UNC79: variants seen among roughly 807,000 people sequenced by gnomAD.
The protein encoded by UNC79 is protein unc-79 homolog.
In UNC79, 37 loss-of-function variants were observed where a neutral mutation model predicts 283.1. That is an observed-to-expected ratio of 0.13 (90% CI 0.10 to 0.17). UNC79 has a LOEUF of 0.17. Among genes scored for constraint, UNC79 ranks in the 10% least tolerant of loss-of-function variants. The pLI is 1.00. For synonymous variants in UNC79, 1,107 were observed against 1,200.2 expected (o/e 0.92, Z 1.61); for missense variants, 2,272 against 3,211.1 (o/e 0.71, Z 7.07).
intron 1 of UNC79, among the ~76,000 whole-genome samples, chr14:93,335,434 G>A (rs1224686960): frequency 1.3e-5 from 2 of 152,226 alleles, no homozygotes; most frequent in Non-Finnish European, 2.9e-5. Flanking sequence ...ATGGATCTTT[G>A]TACTTAAGGA....
At chr14:93,358,611 T>C (rs2054158274) in intron 1 of UNC79, among the ~76,000 whole-genome samples, 1 of 152,184 alleles carries the variant, frequency 6.6e-6, no homozygotes, top group Non-Finnish European at 1.5e-5. Context: ...AATGGGGACA[T>C]GTGGGAGGAC....
At chr14:93,499,857 T>C (rs2059197182) in intron 7 of UNC79, among the ~76,000 whole-genome samples, 1 of 151,960 alleles carries the variant, frequency 6.6e-6, no homozygotes, top group Non-Finnish European at 1.5e-5. Context: ...ATATACACAC[T>C]AGATGTCAGA....
intron 7 of UNC79, among the ~76,000 whole-genome samples, chr14:93,517,714 T>C (rs546611503): frequency 1.4e-4 from 21 of 152,118 alleles, no homozygotes; most frequent in Non-Finnish European, 2.6e-4. Context: ...TGCTTCATAC[T>C]GAATCTTTTT....
At chr14:93,424,087 C>G (rs1248415862) in intron 1 of UNC79, among the ~76,000 whole-genome samples, 2 of 152,290 alleles carry the variant, frequency 1.3e-5, no homozygotes, top group East Asian at 1.9e-4. Flanking sequence ...AAATGTCATA[C>G]AAATGGCAAA....
chr14:93,368,619 T>C (rs1430020377), intron 1 of UNC79, among the ~76,000 whole-genome samples: 1 of 152,052 alleles, frequency 6.6e-6, no homozygotes, highest in Non-Finnish European at 1.5e-5. Flanking sequence ...TACAGGTGCA[T>C]GCCACCACAC....
At chr14:93,516,455 G>C (rs1245392916) in intron 7 of UNC79, among the ~76,000 whole-genome samples, 7 of 121,014 alleles carry the variant, frequency 5.8e-5, no homozygotes, top group African/African-American at 2.1e-4. Flanking sequence ...TTTTTTGGGG[G>C]GGGGGGTGGG....
At chr14:93,562,765 C>A (rs1266248124) in intron 14 of UNC79, among the ~76,000 whole-genome samples, 2 of 152,156 alleles carry the variant, frequency 1.3e-5, no homozygotes, top group African/African-American at 4.8e-5. Context: ...CTGCGGTGGC[C>A]TTCTCAGACC....
chr14:93,596,993 G>A (rs1193182491), intron 23 of UNC79, among the ~76,000 whole-genome samples: 1 of 152,180 alleles, frequency 6.6e-6, no homozygotes, highest in Non-Finnish European at 1.5e-5. Flanking sequence ...TATCTGCAGA[G>A]CTTCTATGGA....
chr14:93,509,150 C>A (rs1282345312), intron 7 of UNC79, among the ~76,000 whole-genome samples: 1 of 152,100 alleles, frequency 6.6e-6, no homozygotes, highest in Non-Finnish European at 1.5e-5. Context: ...ACAACCAATT[C>A]TCTGAGCACT....
intron 31 of UNC79, among the ~76,000 whole-genome samples, chr14:93,633,274 A>C (rs72692924): frequency 0.13 from 19,760 of 152,264 alleles, 1,699 homozygotes; most frequent in Admixed American, 0.21. Flanking sequence ...ACTTTAAGAC[A>C]CAAGAATTCC....
intron 1 of UNC79, chr14:93,347,185 T>A: frequency 6.8e-7 from 1 of 1,464,406 alleles, no homozygotes; most frequent in Non-Finnish European, 9.1e-7. Context: ...GCAAACCAGC[T>A]GCCTCACGAG....
At position 93,600,026 on chromosome 14, in the gene UNC79, T is replaced by C. The variant is rs371489303; in HGVS notation, c.3373-543T>C. 3.4e-4 allele frequency among the ~76,000 whole-genome samples: 51 copies of C among 151,422 alleles called. 1 individual carries two copies. Among genetic ancestry groups the C allele is most frequent in the Middle Eastern group, 7.0e-3 (2 of 284 alleles). ...ACCATCCGGCTAACACAGTGAAACCTCGTCTCTACTAAAAATACAAAAAAT... is the reference window on the plus strand; with the variant it reads ...ACCATCCGGCTAACACAGTGAAACCCCGTCTCTACTAAAAATACAAAAAAT... On this transcript the variant is annotated intron_variant, in intron 24 of 48. Coordinates refer to ENST00000555664, the Ensembl canonical transcript of UNC79.
At chr14:93,371,606 C>T (rs940222928) in intron 1 of UNC79, among the ~76,000 whole-genome samples, 36 of 151,542 alleles carry the variant, frequency 2.4e-4, no homozygotes, top group African/African-American at 7.8e-4. Context: ...TTTGGGAGGC[C>T]GAGGCGGGTG....
chr14:93,680,050 G>A (rs1214539788), intron 41 of UNC79, among the ~76,000 whole-genome samples: 2 of 152,172 alleles, frequency 1.3e-5, no homozygotes, highest in Non-Finnish European at 2.9e-5. Flanking sequence ...GATGATTTCT[G>A]AGGCTTATGC....
chr14:93,521,629 C>T lies in UNC79; in HGVS notation c.899-2349C>T, dbSNP rs190840914. On this transcript the variant is annotated intron_variant, in intron 7 of 48. Transcript: ENST00000555664. Reference sequence around the variant, plus strand: ...ATCACTGCCCTGTACTACTTGGAGACCAGTTTCTGAAAATAGTGTTTCAAA... The same window carrying T: ...ATCACTGCCCTGTACTACTTGGAGATCAGTTTCTGAAAATAGTGTTTCAAA... Among the ~76,000 whole-genome samples, 24 of 151,732 alleles carry T rather than the reference C, an allele frequency of 1.6e-4. No individual in the cohort carries two copies. In the East Asian group the frequency reaches 2.5e-3, roughly 16 times the overall value.
At chr14:93,535,826 A>T (rs2061043446) in intron 11 of UNC79, among the ~76,000 whole-genome samples, 1 of 152,204 alleles carries the variant, frequency 6.6e-6, no homozygotes, top group Non-Finnish European at 1.5e-5. Context: ...GTGTCCTTTT[A>T]TAAGCATCAT....
chr14:93,431,280 GC>G (rs2055866196), intron 1 of UNC79, among the ~76,000 whole-genome samples: 1 of 152,034 alleles, frequency 6.6e-6, no homozygotes, highest in Admixed American at 6.5e-5. Context: ...TCGGGCTCCA[GC>G]GGGGGTTTCT....
chr14:93,456,738 A>G (rs1477759791), intron 1 of UNC79, among the ~76,000 whole-genome samples: 5 of 152,170 alleles, frequency 3.3e-5, no homozygotes, highest in African/African-American at 9.7e-5. Context: ...CTCTGCTCTG[A>G]GTGTTCTCTG....
At chr14:93,559,490 G>A (rs2062408659) in intron 14 of UNC79, among the ~76,000 whole-genome samples, 1 of 152,170 alleles carries the variant, frequency 6.6e-6, no homozygotes, top group Non-Finnish European at 1.5e-5. Flanking sequence ...CAAAAAGAGA[G>A]TCAGCAAAGG....
Sources: allele counts gnomAD v4.1 joint callset (sites outside exome capture counted in the v4.1 genomes callset), GRCh38; gene constraint gnomAD v4.1.1; transcripts MANE v1.5; gene names NCBI Gene and HGNC (gene_info 2026-07-23, HGNC 2026-07-21).